The following PTPRR variants were observed in gnomAD, a reference collection of about 807,000 sequenced individuals.
PTPRR encodes protein tyrosine phosphatase receptor type R, also known as receptor-type tyrosine-protein phosphatase R.
Under a neutral mutation model 77.2 loss-of-function variants are expected in PTPRR, and 38 were observed. That is an observed-to-expected ratio of 0.49 (90% confidence interval 0.38 to 0.65). The LOEUF (loss-of-function observed/expected upper bound fraction) is 0.65, where lower values mean the gene tolerates loss of function less well. Among genes scored for constraint, PTPRR ranks in the 30% least tolerant of loss-of-function variants. The pLI is 0.00. For missense variants in PTPRR, 744 were observed against 799.2 expected, an observed-to-expected ratio of 0.93 and a Z score of 0.83; for synonymous variants, 299 against 283.1, an observed-to-expected ratio of 1.06 and a Z score of -0.57.
chr12:70,867,294 T>C (rs925762036), intron 2 of PTPRR, among the ~76,000 whole-genome samples: 37 of 151,986 alleles, frequency 2.4e-4, no homozygotes, highest in Non-Finnish European at 4.3e-4. Context: ...GAAAACCCCA[T>C]TGTCTCAGCC....
At chr12:70,791,543 T>C (rs1891422110) in intron 2 of PTPRR, among the ~76,000 whole-genome samples, 1 of 152,186 alleles carries the variant, frequency 6.6e-6, no homozygotes, top group Non-Finnish European at 1.5e-5. Context: ...CTGTTCCTAT[T>C]AGAAGGTATG....
At chr12:70,826,260 G>A (rs1320242332) in intron 2 of PTPRR, among the ~76,000 whole-genome samples, 1 of 152,166 alleles carries the variant, frequency 6.6e-6, no homozygotes, top group African/African-American at 2.4e-5. Flanking sequence ...AAATGGAATA[G>A]TGCTAATAGG....
At chr12:70,770,796 C>T (rs1042466081) in intron 2 of PTPRR, among the ~76,000 whole-genome samples, 1 of 152,092 alleles carries the variant, frequency 6.6e-6, no homozygotes, top group African/African-American at 2.4e-5. Context: ...AAATGTGGCA[C>T]ATATACACCA....
chr12:70,862,113 A>G (rs1892762590), intron 2 of PTPRR, among the ~76,000 whole-genome samples: 1 of 152,124 alleles, frequency 6.6e-6, no homozygotes, highest in Non-Finnish European at 1.5e-5. Flanking sequence ...CATAGTTCCC[A>G]GGAAAAAGTG....
intron 1 of PTPRR, among the ~76,000 whole-genome samples, chr12:70,909,461 T>C (rs1893669350): frequency 6.6e-6 from 1 of 152,208 alleles, no homozygotes; most frequent in Non-Finnish European, 1.5e-5. Flanking sequence ...CATTTCATGC[T>C]GGCACTCCTT....
At chr12:70,763,863 C>T (rs1206601396) in intron 3 of PTPRR, among the ~76,000 whole-genome samples, 1 of 152,128 alleles carries the variant, frequency 6.6e-6, no homozygotes, top group East Asian at 1.9e-4. Flanking sequence ...GGCCTTTGCT[C>T]ACGCCCACTT....
chr12:70,737,598 C>T (rs779263233), intron 6 of PTPRR, among the ~76,000 whole-genome samples: 2 of 152,044 alleles, frequency 1.3e-5, no homozygotes, highest in Non-Finnish European at 2.9e-5. Context: ...CAGCTCACTG[C>T]AACCTTGAGC....
chr12:70,867,609 G>C (rs561391126), intron 2 of PTPRR, among the ~76,000 whole-genome samples: 1 of 151,592 alleles, frequency 6.6e-6, no homozygotes, highest in Non-Finnish European at 1.5e-5. Flanking sequence ...TGGCCATACT[G>C]CCCAAGGTAA....
chr12:70,704,957 C>A (rs969627590), intron 6 of PTPRR, among the ~76,000 whole-genome samples: 4 of 151,982 alleles, frequency 2.6e-5, no homozygotes, highest in African/African-American at 9.7e-5. Context: ...TAATAAAAAG[C>A]TTTATCAAGC....
chr12:70,727,986 T>C (rs557934840), intron 6 of PTPRR, among the ~76,000 whole-genome samples: 1 of 152,310 alleles, frequency 6.6e-6, no homozygotes, highest in South Asian at 2.1e-4. Context: ...CTCAGCTCAT[T>C]GAGGCATCAG....
chr12:70,861,093 A>C (rs566685374), intron 2 of PTPRR, among the ~76,000 whole-genome samples: 18 of 152,272 alleles, frequency 1.2e-4, no homozygotes, highest in Admixed American at 1.0e-3. Flanking sequence ...ATGCTCAATA[A>C]GTATTTGTTG....
intron 2 of PTPRR, among the ~76,000 whole-genome samples, chr12:70,874,086 T>G (rs1893007038): frequency 6.6e-6 from 1 of 152,188 alleles, no homozygotes; most frequent in South Asian, 2.1e-4. Flanking sequence ...TGTCCTTTAT[T>G]AACTAAGATA....
At chr12:70,850,435 C>T (rs1217204327) in intron 2 of PTPRR, among the ~76,000 whole-genome samples, 1 of 152,038 alleles carries the variant, frequency 6.6e-6, no homozygotes, top group Non-Finnish European at 1.5e-5. Flanking sequence ...AGCAAGGTTG[C>T]TTGAAATAAT....
At chr12:70,652,422 T>C (rs1214147246) in intron 13 of PTPRR, among the ~76,000 whole-genome samples, 1 of 152,124 alleles carries the variant, frequency 6.6e-6, no homozygotes, top group South Asian at 2.1e-4. Flanking sequence ...GGAAAACATA[T>C]GTTGATCCTG....
At chr12:70,918,709 G>C (rs1208980389) in intron 1 of PTPRR, among the ~76,000 whole-genome samples, 4 of 151,992 alleles carry the variant, frequency 2.6e-5, no homozygotes, top group Admixed American at 2.0e-4. Context: ...TGTTAGTTTT[G>C]AAAAAATGAC....
At chr12:70,819,958 CT>C (rs1225842000) in intron 2 of PTPRR, among the ~76,000 whole-genome samples, 8 of 152,056 alleles carry the variant, frequency 5.3e-5, no homozygotes. Flanking sequence ...AAAAGATCAA[CT>C]ATTTTTTGAA....
chr12:70,701,234 A>C lies in PTPRR; in HGVS notation c.1097T>G (p.Val366Gly). The C allele has an allele frequency of 6.2e-7, 1 of 1,613,890 alleles. No individual in the cohort carries two copies. Among genetic ancestry groups the C allele is most frequent in the Non-Finnish European group, 8.5e-7 (1 of 1,179,922 alleles). ...GGCTGACTGCAGATACTCCATTGCT[A>C]CCTTCTCCCGTGGTGTTGGTATAGA... is the stretch of plus-strand genomic sequence containing the variant. ...FVSIPTPREK[V>G]AMEYLQSASR... Residue 366 changes from valine (V) to glycine (G), a missense_variant, in exon 7 of 14, where the codon GTA (valine) becomes GGA (glycine). Physicochemically the swap from Val to Gly is moderately radical, Grantham distance 109 (BLOSUM62 -3). Around this residue, in one of 3 missense-constraint regions of PTPRR, gnomAD observed 570 missense variants for 573.2 expected, o/e 0.99. Transcript: ENST00000283228.
intron 7 of PTPRR, 115 bp downstream of exon 7, chr12:70,701,022 T>C: frequency 9.7e-7 from 1 of 1,030,968 alleles, no homozygotes. Context: ...CATTTCACTT[T>C]GCCATTTGTT....
At chr12:70,812,729 G>A (rs950882990) in intron 2 of PTPRR, among the ~76,000 whole-genome samples, 4 of 152,142 alleles carry the variant, frequency 2.6e-5, no homozygotes, top group African/African-American at 9.7e-5. Context: ...CATCTTAGAG[G>A]TAAGAAAAGC....
Sources: gnomAD v4.1 joint callset for allele counts (sites outside exome capture counted in the v4.1 genomes callset) on GRCh38, gnomAD v4.1.1 for gene constraint, gnomAD v4.1.1 regional missense constraint, MANE v1.5 for transcripts, NCBI Gene and HGNC (gene_info 2026-07-23, HGNC 2026-07-21) for gene names.